Variants in NEDD9 observed in about 807,000 individuals in gnomAD.
The protein encoded by NEDD9 is neural precursor cell expressed, developmentally down-regulated 9.
A neutral mutation model predicts 76.6 loss-of-function variants in NEDD9; 26 were observed. The observed-to-expected ratio is 0.34, with a 90% CI of 0.25 to 0.47. The LOEUF is 0.47. Ranked by LOEUF, NEDD9 falls within the 20% of genes least tolerant of loss-of-function variation. The probability of loss-of-function intolerance (pLI) is 1.00; values close to 1 mark genes in which losing one functional copy is unlikely to be tolerated. For missense variants in NEDD9, 937 were observed against 1,058.5 expected, an observed-to-expected ratio of 0.89 and a Z score of 1.59; for synonymous variants, 392 against 414.2, an observed-to-expected ratio of 0.95 and a Z score of 0.65.
At chr6:11,327,322 T>C (rs1263393303) in intron 2 of NEDD9, among the ~76,000 whole-genome samples, 1 of 152,240 alleles carries the variant, frequency 6.6e-6, no homozygotes, top group Non-Finnish European at 1.5e-5. Flanking sequence ...TGATATATAA[T>C]GAGTGCAAGT....
At chr6:11,224,221 G>A (rs1051387984) in intron 1 of NEDD9, among the ~76,000 whole-genome samples, 1 of 152,204 alleles carries the variant, frequency 6.6e-6, no homozygotes, top group South Asian at 2.1e-4. Context: ...TTCAATCAAC[G>A]TTATGTGTTC....
chr6:11,233,248 C>T (rs1759534836), upstream of NEDD9: 2 of 518,740 alleles, frequency 3.9e-6, no homozygotes, highest in Non-Finnish European at 7.7e-6. Context: ...AAGTACTTTG[C>T]GATGTCAGTC....
chr6:11,335,895 C>T (rs77970648), intron 1 of NEDD9, among the ~76,000 whole-genome samples: 2,416 of 152,300 alleles, frequency 0.016, 63 homozygotes, highest in East Asian at 0.12. Context: ...CTAAATCTTC[C>T]AGGGTTTCCT....
At chr6:11,239,781 C>T (rs536254089) in intron 3 of NEDD9, among the ~76,000 whole-genome samples, 1 of 152,132 alleles carries the variant, frequency 6.6e-6, no homozygotes, top group African/African-American at 2.4e-5. Context: ...CACGGTGGCT[C>T]ACACCTGTAA....
chr6:11,209,141 G>A (rs1217615124), intron 2 of NEDD9, among the ~76,000 whole-genome samples: 1 of 151,986 alleles, frequency 6.6e-6, no homozygotes, highest in Non-Finnish European at 1.5e-5. Context: ...ACAATTAATG[G>A]GGCAGACATG....
At chr6:11,302,951 G>A (rs1477106923) in intron 3 of NEDD9, among the ~76,000 whole-genome samples, 4 of 152,098 alleles carry the variant, frequency 2.6e-5, no homozygotes, top group African/African-American at 7.2e-5. Context: ...TTTGAAAACC[G>A]GCACAAGACA....
At chr6:11,380,630 C>CTGCCAGA (rs140195537) in intron 1 of NEDD9, among the ~76,000 whole-genome samples, 1,874 of 152,312 alleles carry the variant, frequency 0.012, 37 homozygotes, top group African/African-American at 0.043. Context: ...TACCCCTTCT[C>CTGCCAGA]TGCCAGATGC....
At chr6:11,238,335 G>T (rs905500657) in intron 3 of NEDD9, among the ~76,000 whole-genome samples, 7 of 152,182 alleles carry the variant, frequency 4.6e-5, no homozygotes, top group African/African-American at 1.7e-4. Context: ...GAGTCTGTGT[G>T]GCCCTGACCA....
intron 3 of NEDD9, among the ~76,000 whole-genome samples, chr6:11,259,700 TA>T (rs1760070565): frequency 6.6e-6 from 1 of 152,198 alleles, no homozygotes; most frequent in Non-Finnish European, 1.5e-5. Context: ...CCCTTGGAGT[TA>T]GAGAAACAAA....
chr6:11,266,306 A>G (rs144547287), intron 3 of NEDD9, among the ~76,000 whole-genome samples: 1 of 152,158 alleles, frequency 6.6e-6, no homozygotes, highest in African/African-American at 2.4e-5. Flanking sequence ...TGGATTGTCA[A>G]ACTTGGGTGG....
intron 1 of NEDD9, among the ~76,000 whole-genome samples, chr6:11,347,626 T>G (rs12154199): frequency 0.29 from 43,873 of 152,082 alleles, 7,034 homozygotes; most frequent in East Asian, 0.61. Context: ...TCCCTGGGAC[T>G]CAAGGCTTGT....
intron 2 of NEDD9, among the ~76,000 whole-genome samples, chr6:11,309,502 C>T (rs545987819): frequency 6.6e-6 from 1 of 152,330 alleles, no homozygotes; most frequent in Non-Finnish European, 1.5e-5. Flanking sequence ...TTGCCTCAGC[C>T]TCCTGAGTAG....
intron 1 of NEDD9, among the ~76,000 whole-genome samples, chr6:11,376,164 T>C (rs1015190325): frequency 2.0e-5 from 3 of 152,238 alleles, no homozygotes; most frequent in African/African-American, 4.8e-5. Context: ...CTTGGGTATT[T>C]CTTTATAGTG....
intron 2 of NEDD9, among the ~76,000 whole-genome samples, chr6:11,208,390 G>A (rs192284038): frequency 2.6e-5 from 4 of 152,290 alleles, no homozygotes; most frequent in South Asian, 2.1e-4. Flanking sequence ...GTCCTTCAGC[G>A]AGGGAAATGA....
rs535448786 is a variant in NEDD9 at position 11,298,954 on chromosome 6, A to C, written c.12+7038T>G. Among the ~76,000 whole-genome samples, 3 of 152,296 alleles carry C rather than the reference A, an allele frequency of 2.0e-5. No homozygotes were observed. In the East Asian group the frequency reaches 5.8e-4, roughly 29 times the overall value. On this transcript the variant is annotated intron_variant, in intron 3 of 3. Coordinates refer to the NEDD9 transcript ENST00000397378. ...AAGATGGGTGATTTCTGCATTTCCA[A>C]CTGAGGCACCTGATTCATCTCACTG...
rs1451885045 is a variant in NEDD9 at position 11,190,320 on chromosome 6, C to A, written c.1549G>T (p.Ala517Ser). ...CACTTGTTCTGGGGCTTGTTGATGG[C>A]CAAGATATTCAGGGACCAGCTGCAC... ...NECSWSLNIL[A>S]INKPQNKCDD... The change falls in exon 5 of 7, where the codon GCC becomes TCC. Residue 517 changes from alanine to serine, a missense_variant. Transcript: ENST00000379446. The surrounding 1 kb of genome is among the most constrained non-coding windows in gnomAD (Gnocchi z 5.8). 6.2e-7 allele frequency: 1 copy of A among 1,614,178 alleles called. No homozygotes were observed. The highest frequency in any genetic ancestry group is 1.1e-5 in the South Asian group (1 of 91,068).
At chr6:11,313,086 G>C (rs1219078278) in intron 2 of NEDD9, among the ~76,000 whole-genome samples, 3 of 151,980 alleles carry the variant, frequency 2.0e-5, no homozygotes, top group African/African-American at 7.2e-5. Flanking sequence ...AGATGGATTA[G>C]TGGGTAGATA....
intron 1 of NEDD9, among the ~76,000 whole-genome samples, chr6:11,379,644 T>C (rs1215588810): frequency 6.6e-6 from 1 of 151,970 alleles, no homozygotes; most frequent in East Asian, 1.9e-4. Context: ...TTAAAAGAAA[T>C]GTTTATACCA....
intron 1 of NEDD9, among the ~76,000 whole-genome samples, chr6:11,230,088 C>T (rs1165667122): frequency 1.3e-5 from 2 of 152,126 alleles, no homozygotes; most frequent in Admixed American, 6.5e-5. Flanking sequence ...GGGATTTTAC[C>T]ATCTAATAAT....
Sources: allele counts gnomAD v4.1 joint callset (sites outside exome capture counted in the v4.1 genomes callset), GRCh38; gene constraint gnomAD v4.1.1; non-coding constraint Gnocchi (gnomAD v3.1); transcripts MANE v1.5; gene names NCBI Gene and HGNC (gene_info 2026-07-23, HGNC 2026-07-21).